The following NAV3 variants were observed in gnomAD, a reference collection of about 807,000 sequenced individuals.
The protein encoded by NAV3 is neuron navigator 3.
NAV3 carries 87 observed loss-of-function variants against 244.7 expected under a neutral mutation model. That is an observed-to-expected ratio of 0.36 (90% CI 0.30 to 0.42). The LOEUF (loss-of-function observed/expected upper bound fraction) is 0.42, where lower values mean the gene tolerates loss of function less well. Among genes scored for constraint, NAV3 ranks in the 20% least tolerant of loss-of-function variants. The pLI is 1.00. For missense variants in NAV3, 2,663 were observed against 2,893.3 expected (o/e 0.92, Z 1.83); for synonymous variants, 1,126 against 1,042.2 (o/e 1.08, Z -1.55).
In NAV3 at chr12:77,602,219, C is replaced by T. The variant is rs796324431; in HGVS notation, c.72+29953C>T. Among the ~76,000 whole-genome samples, 114 of 152,016 alleles carry T rather than the reference C, an allele frequency of 7.5e-4. 2 individuals are homozygous for T. The highest frequency in any genetic ancestry group is 2.5e-3 in the African/African-American group (105 of 41,502). On this transcript the variant is annotated intron_variant, in intron 2 of 8. Coordinates refer to the NAV3 transcript ENST00000550042. ...CAGTCTGGGAATTATAGTCTCCAGT[C>T]TGGATGGCAATGTACCCAGCTAAAA...
intron 35 of NAV3, among the ~76,000 whole-genome samples, chr12:78,198,171 A>G (rs548921495): frequency 3.0e-4 from 45 of 152,032 alleles, no homozygotes; most frequent in African/African-American, 1.0e-3. Flanking sequence ...TGGAAGTTAC[A>G]AACGATCAGC....
intron 2 of NAV3, among the ~76,000 whole-genome samples, chr12:77,610,342 C>A (rs1415078653): frequency 6.6e-6 from 1 of 152,022 alleles, no homozygotes; most frequent in African/African-American, 2.4e-5. Flanking sequence ...ACACCTTTTA[C>A]TTAATCTTTA....
At chr12:77,712,045 C>A (rs1876143206) in intron 2 of NAV3, among the ~76,000 whole-genome samples, 2 of 152,250 alleles carry the variant, frequency 1.3e-5, no homozygotes, top group African/African-American at 2.4e-5. Context: ...CTTTAAACCC[C>A]AGGTCATTTA....
chr12:77,936,503 A>G (rs1283368449), intron 1 of NAV3, among the ~76,000 whole-genome samples: 2 of 152,184 alleles, frequency 1.3e-5, no homozygotes, highest in Admixed American at 1.3e-4. Flanking sequence ...TTTTACAAAA[A>G]TTACCAAACA....
Position 78,210,560 on chromosome 12 carries a change from A to C in NAV3, c.*43A>C. ...GGGAAAAGACTTTGCTTTTAAAAAA[A>C]TGTTTCAAAAGAAAGGTATTTTCAC... On this transcript the variant is annotated 3_prime_UTR_variant, in exon 40 of 40. Coordinates refer to ENST00000397909, the MANE Select transcript of NAV3 (RefSeq NM_001024383.2). 1.2e-6 allele frequency: 2 copies of C among 1,600,824 alleles called. No homozygotes were observed. Among genetic ancestry groups the C allele is most frequent in the Non-Finnish European group, 1.7e-6 (2 of 1,174,568 alleles).
At chr12:77,583,340 T>G (rs1330020171) in intron 2 of NAV3, among the ~76,000 whole-genome samples, 1 of 152,244 alleles carries the variant, frequency 6.6e-6, no homozygotes, top group East Asian at 1.9e-4. Flanking sequence ...GCCTCCATCT[T>G]TTAACAGTTG....
At chr12:77,692,352 A>G (rs936478632) in intron 2 of NAV3, among the ~76,000 whole-genome samples, 2 of 152,094 alleles carry the variant, frequency 1.3e-5, no homozygotes, top group African/African-American at 4.8e-5. Flanking sequence ...ACCAGGACCC[A>G]AACACCTTGG....
chr12:77,824,894 A>AACAACAAC (rs1565828310), intron 2 of NAV3, among the ~76,000 whole-genome samples: 1 of 150,368 alleles, frequency 6.7e-6, no homozygotes, highest in African/African-American at 2.5e-5. Flanking sequence ...TCCGTCTCAA[A>AACAACAAC]AACAACAACA....
At chr12:77,786,168 A>C (rs1226974524) in intron 2 of NAV3, among the ~76,000 whole-genome samples, 1 of 152,192 alleles carries the variant, frequency 6.6e-6, no homozygotes, top group Non-Finnish European at 1.5e-5. Context: ...AGGGTAATTG[A>C]AAGTGTCTAT....
intron 8 of NAV3, among the ~76,000 whole-genome samples, chr12:78,012,927 A>G (rs1345486295): frequency 6.6e-6 from 1 of 152,086 alleles, no homozygotes; most frequent in Non-Finnish European, 1.5e-5. Context: ...GAGGCCACCT[A>G]CAGTAGATAC....
At chr12:77,834,895 A>C (rs1314067438) in intron 1 of NAV3, among the ~76,000 whole-genome samples, 2 of 144,664 alleles carry the variant, frequency 1.4e-5, no homozygotes, top group Admixed American at 6.9e-5. Context: ...AAAAAAAAAA[A>C]CCCAGAACTG....
intron 1 of NAV3, among the ~76,000 whole-genome samples, chr12:77,893,884 G>T (rs116842416): frequency 6.6e-6 from 1 of 152,090 alleles, no homozygotes; most frequent in Non-Finnish European, 1.5e-5. Flanking sequence ...CTTATATATT[G>T]CTCTCCTCTA....
At chr12:77,606,121 T>C (rs1257902584) in intron 2 of NAV3, among the ~76,000 whole-genome samples, 1 of 152,178 alleles carries the variant, frequency 6.6e-6, no homozygotes, top group Non-Finnish European at 1.5e-5. Flanking sequence ...CACTTGGTAA[T>C]GGCTTAAGAG....
Position 77,957,958 on chromosome 12 carries a change from C to A in NAV3, c.415-8271C>A, listed in dbSNP as rs112817880. On this transcript the variant is annotated intron_variant, in intron 3 of 39. Transcript: ENST00000397909. Reference sequence around the variant, plus strand: ...TGGGATTACAGGCGTGAGCCACGTGCCCTGCCAATATCAGTGTTTCTAATA... The same window carrying A: ...TGGGATTACAGGCGTGAGCCACGTGACCTGCCAATATCAGTGTTTCTAATA... 6.9e-3 allele frequency among the ~76,000 whole-genome samples: 1,043 copies of A among 152,178 alleles called. 10 individuals carry two copies. The highest frequency in any genetic ancestry group is 0.036 in the South Asian group (175 of 4,822).
chr12:78,018,684 C>T (rs1876639693), intron 8 of NAV3, among the ~76,000 whole-genome samples: 2 of 152,158 alleles, frequency 1.3e-5, no homozygotes, highest in Admixed American at 1.3e-4. Flanking sequence ...AACCCTGGCT[C>T]CCAGCCAGTT....
intron 2 of NAV3, among the ~76,000 whole-genome samples, chr12:77,778,614 A>G (rs1870506823): frequency 7.5e-6 from 1 of 133,562 alleles, no homozygotes; most frequent in South Asian, 2.3e-4. Context: ...TCCGTCTCAG[A>G]AAAAAAAAAA....
chr12:77,652,625 G>T (rs1872879026), intron 2 of NAV3, among the ~76,000 whole-genome samples: 1 of 150,730 alleles, frequency 6.6e-6, no homozygotes, highest in South Asian at 2.1e-4. Flanking sequence ...CAGATTCATT[G>T]CCATTAAAGA....
intron 5 of NAV3, among the ~76,000 whole-genome samples, chr12:77,987,893 T>C (rs1368572390): frequency 6.6e-6 from 1 of 152,182 alleles, no homozygotes; most frequent in Non-Finnish European, 1.5e-5. Context: ...ATATTTATGG[T>C]AACAGCGTAA....
intron 2 of NAV3, among the ~76,000 whole-genome samples, chr12:77,587,088 C>G (rs974047503): frequency 8.5e-5 from 13 of 152,110 alleles, no homozygotes; most frequent in Admixed American, 4.6e-4. Context: ...GAAGTATATA[C>G]ACAAGCAATG....
Sources: allele counts gnomAD v4.1 joint callset (sites outside exome capture counted in the v4.1 genomes callset), GRCh38; gene constraint gnomAD v4.1.1; transcripts MANE v1.5; gene names NCBI Gene and HGNC (gene_info 2026-07-23, HGNC 2026-07-21).